NME7: variants seen among roughly 807,000 people sequenced by gnomAD.
NME7 encodes nucleoside diphosphate kinase 7.
Under a neutral mutation model 49.1 loss-of-function variants are expected in NME7, and 41 were observed. The ratio of observed to expected loss-of-function variants is 0.83; its 90% CI spans 0.65 to 1.08. NME7 has a LOEUF of 1.08. NME7 is among the 50% of genes least tolerant of loss of function. The pLI is 0.00. For synonymous variants in NME7, 139 were observed against 150.6 expected, an observed-to-expected ratio of 0.92 and a Z score of 0.56; for missense variants, 423 against 463.4, an observed-to-expected ratio of 0.91 and a Z score of 0.80.
At chr1:169,312,376 G>A (rs1158155256) in intron 3 of NME7, among the ~76,000 whole-genome samples, 4 of 152,282 alleles carry the variant, frequency 2.6e-5, no homozygotes, top group Non-Finnish European at 5.9e-5. Flanking sequence ...GAGTCACTGT[G>A]AGAGAAAACC....
intron 1 of NME7, among the ~76,000 whole-genome samples, chr1:169,350,820 T>C (rs542530681): frequency 6.6e-6 from 1 of 152,256 alleles, no homozygotes; most frequent in Non-Finnish European, 1.5e-5. Context: ...GGAATAGTCA[T>C]ATACACATAC....
intron 6 of NME7, among the ~76,000 whole-genome samples, chr1:169,293,143 A>G (rs1457327600): frequency 1.3e-5 from 2 of 152,012 alleles, no homozygotes; most frequent in African/African-American, 4.8e-5. Flanking sequence ...AAAAATAAAA[A>G]AAAATAGCTG....
intron 1 of NME7, among the ~76,000 whole-genome samples, chr1:169,357,399 G>T (rs1653504127): frequency 6.6e-6 from 1 of 152,012 alleles, no homozygotes; most frequent in African/African-American, 2.4e-5. Flanking sequence ...TGCTTATTAT[G>T]TCAAGTTTGA....
chr1:169,204,946 C>G (rs2101784185), intron 10 of NME7, among the ~76,000 whole-genome samples: 1 of 152,112 alleles, frequency 6.6e-6, no homozygotes, highest in African/African-American at 2.4e-5. Context: ...GGTCATAAAA[C>G]AAGGATGGCC....
intron 11 of NME7, among the ~76,000 whole-genome samples, chr1:169,135,221 C>T (rs1330612869): frequency 6.6e-6 from 1 of 151,876 alleles, no homozygotes; most frequent in Non-Finnish European, 1.5e-5. Context: ...TACCCAGAAC[C>T]TATCTACTTT....
intron 6 of NME7, among the ~76,000 whole-genome samples, chr1:169,296,768 T>C (rs1452985511): frequency 6.6e-6 from 1 of 152,112 alleles, no homozygotes; most frequent in East Asian, 1.9e-4. Context: ...AACTTTGGAG[T>C]AATACTTGGT....
rs1407163962 is a variant in NME7, at chr1:169,342,589, TAC to T, written c.4-18091_4-18090del. Among the ~76,000 whole-genome samples, 12 of 90,750 alleles carry T rather than the reference TAC, an allele frequency of 1.3e-4. 3 individuals carry two copies. Among genetic ancestry groups the T allele is most frequent in the Non-Finnish European group, 2.8e-4 (12 of 43,432 alleles). The allele number at this position is 90,750 out of a possible 152,430, so 59.5% of individuals were successfully genotyped here. A position where few individuals can be genotyped will look rare whatever the true frequency, so the allele number is the denominator to read the frequency against. On this transcript the variant is annotated intron_variant, in intron 1 of 11. Transcript: ENST00000367811. ...TACATATATATAGTATATATATATATACAAGTACATATATATAGTATATATAT... is the reference window on the plus strand; with the variant it reads ...TACATATATATAGTATATATATATATAAGTACATATATATAGTATATATAT...
In NME7 at chr1:169,132,655, A is replaced by G. The variant is rs1207852577; in HGVS notation, c.*130T>C. On this transcript the variant is annotated 3_prime_UTR_variant, in exon 12 of 12. Transcript: ENST00000367811. ...AACATATGTAATAATTGCCAGGAGTACAGTGCTCTTGTTGATCTTGTATTC... is the reference window on the plus strand; with the variant it reads ...AACATATGTAATAATTGCCAGGAGTGCAGTGCTCTTGTTGATCTTGTATTC... 2.5e-6 allele frequency: 2 copies of G among 788,496 alleles called. No individual in the cohort carries two copies. The highest frequency in any genetic ancestry group is 5.3e-5 in the East Asian group (2 of 37,454). The allele number at this position is 788,496 out of a possible 1,614,324, so 48.8% of individuals were successfully genotyped here. A position where few individuals can be genotyped will look rare whatever the true frequency, so the allele number is the denominator to read the frequency against.
chr1:169,305,482 A>G (rs910221599), intron 4 of NME7, among the ~76,000 whole-genome samples: 2 of 152,212 alleles, frequency 1.3e-5, no homozygotes, highest in African/African-American at 4.8e-5. Flanking sequence ...AGATGCATAC[A>G]TTGTGAGAAA....
At chr1:169,208,553 A>G (rs1323890945) in intron 10 of NME7, among the ~76,000 whole-genome samples, 4 of 152,116 alleles carry the variant, frequency 2.6e-5, no homozygotes, top group Non-Finnish European at 5.9e-5. Flanking sequence ...AAATCTACAT[A>G]CATACTTATG....
chr1:169,255,813 T>G, intron 7 of NME7, among the ~76,000 whole-genome samples: 1 of 130,592 alleles, frequency 7.7e-6, no homozygotes, highest in Non-Finnish European at 1.8e-5. Context: ...TATTTCTCCT[T>G]CGCTTATGAA....
At chr1:169,367,259 G>C (rs1234221450) in intron 1 of NME7, among the ~76,000 whole-genome samples, 69 of 152,280 alleles carry the variant, frequency 4.5e-4, no homozygotes, top group Non-Finnish European at 1.8e-4. Context: ...AATGGCCCTC[G>C]TGGGGGCGTG....
rs184138988 is a variant in NME7, at chr1:169,275,237, T to C, written c.754+12066A>G. ...TTATTCTCTTTGAAGCAATTGTGAATGGGAGCTCACTCATGATTTGGCTCT... is the reference window on the plus strand; with the variant it reads ...TTATTCTCTTTGAAGCAATTGTGAACGGGAGCTCACTCATGATTTGGCTCT... On this transcript the variant is annotated intron_variant, in intron 7 of 11. Coordinates refer to ENST00000367811, the MANE Select transcript of NME7 (RefSeq NM_013330.5). Among the ~76,000 whole-genome samples, 65 of 131,358 alleles carry C rather than the reference T, an allele frequency of 4.9e-4. 5 individuals are homozygous for C. The East Asian group carries it at 0.012, about 24-fold the overall frequency. 86.2% of individuals were successfully genotyped at this position (131,358 alleles called of 152,430 possible).
chr1:169,245,479 C>A (rs997496033), intron 7 of NME7, among the ~76,000 whole-genome samples: 1 of 151,944 alleles, frequency 6.6e-6, no homozygotes, highest in Non-Finnish European at 1.5e-5. Flanking sequence ...GGAAATAAAA[C>A]GAAACGATTT....
intron 7 of NME7, among the ~76,000 whole-genome samples, chr1:169,279,050 G>T (rs1408860018): frequency 6.6e-6 from 1 of 152,094 alleles, no homozygotes; most frequent in Non-Finnish European, 1.5e-5. Flanking sequence ...TTGAAGTTTT[G>T]TCTCAGAGGA....
intron 1 of NME7, among the ~76,000 whole-genome samples, chr1:169,334,325 T>C (rs1652374921): frequency 6.6e-6 from 1 of 151,890 alleles, no homozygotes; most frequent in Non-Finnish European, 1.5e-5. Context: ...ATCAACAGCA[T>C]GAGTAATCAA....
At chr1:169,296,432 T>A (rs539923168) in intron 6 of NME7, among the ~76,000 whole-genome samples, 3 of 150,636 alleles carry the variant, frequency 2.0e-5, no homozygotes, top group Non-Finnish European at 4.4e-5. Flanking sequence ...ACCTCTCTGG[T>A]GGCTCCTCTT....
chr1:169,135,834 TACTA>T (rs1029790133), intron 11 of NME7, among the ~76,000 whole-genome samples: 20 of 152,180 alleles, frequency 1.3e-4, no homozygotes, highest in African/African-American at 4.8e-4. Context: ...TTAAGTATCT[TACTA>T]AGGTGTTGAC....
At chr1:169,313,005 C>T (rs566458480) in intron 3 of NME7, among the ~76,000 whole-genome samples, 8 of 151,860 alleles carry the variant, frequency 5.3e-5, no homozygotes, top group Admixed American at 2.0e-4. Context: ...ATATCTGCCC[C>T]ATGGATAAAG....
Sources: gnomAD v4.1 joint callset for allele counts (sites outside exome capture counted in the v4.1 genomes callset) on GRCh38, gnomAD v4.1.1 for gene constraint, MANE v1.5 for transcripts, NCBI Gene and HGNC (gene_info 2026-07-23, HGNC 2026-07-21) for gene names.